PIK3C3: variants seen among roughly 807,000 people sequenced by gnomAD.
PIK3C3 encodes the protein PI3-kinase type 3.
Under a neutral mutation model 126.1 loss-of-function variants are expected in PIK3C3, and 95 were observed. That is an observed-to-expected ratio of 0.75 (90% confidence interval 0.64 to 0.89). The LOEUF is 0.89. PIK3C3 is among the 40% of genes least tolerant of loss of function. PIK3C3 has a pLI of 0.00. For synonymous variants in PIK3C3, 374 were observed against 360.0 expected, an observed-to-expected ratio of 1.04 and a Z score of -0.44; for missense variants, 829 against 1,063.2, an observed-to-expected ratio of 0.78 and a Z score of 3.06.
chr18:42,060,248 C>T (rs1247137765), intron 22 of PIK3C3, among the ~76,000 whole-genome samples: 1 of 152,074 alleles, frequency 6.6e-6, no homozygotes, highest in African/African-American at 2.4e-5. Context: ...GATAATTGAT[C>T]AGTTTCTTCA....
intron 11 of PIK3C3, among the ~76,000 whole-genome samples, chr18:42,014,434 C>CA (rs1476682630): frequency 6.6e-6 from 1 of 152,174 alleles, no homozygotes; most frequent in African/African-American, 2.4e-5. Context: ...CGTGTCCACA[C>CA]ACATTATCGT....
intron 20 of PIK3C3, 122 bp from the exon 21 acceptor site, chr18:42,049,409 A>G: frequency 1.8e-6 from 1 of 555,890 alleles, no homozygotes; most frequent in Non-Finnish European, 3.1e-6. Flanking sequence ...AATTCAGATG[A>G]GAAACCAGAG....
At chr18:41,999,658 A>G (rs544689644) in intron 9 of PIK3C3, among the ~76,000 whole-genome samples, 1 of 152,196 alleles carries the variant, frequency 6.6e-6, no homozygotes, top group Non-Finnish European at 1.5e-5. Context: ...GGGTAAGGAT[A>G]TTTACACATA....
chr18:42,080,432 T>G lies in PIK3C3; in HGVS notation c.2650-691T>G, dbSNP rs1389613786. ...CCTTCACTTTTTCTCTGAGTAATAA[T>G]GAAGTGAAGGTCTTAGAAACAGAAT... On this transcript the variant is annotated intron_variant, in intron 24 of 24. Coordinates refer to ENST00000262039, the MANE Select transcript of PIK3C3 (RefSeq NM_002647.4). Among the ~76,000 whole-genome samples the G allele has an allele frequency of 2.0e-5, 3 of 149,300 alleles. No individual in the cohort carries two copies. The East Asian group carries it at 6.0e-4, about 30-fold the overall frequency.
rs1206821548 is a variant in PIK3C3 at position 42,067,468 on chromosome 18, T to G, written c.2604T>G (p.His868Gln). 1 of 1,614,074 alleles carries G rather than the reference T, an allele frequency of 6.2e-7. No individual in the cohort carries two copies. The highest frequency in any genetic ancestry group is 8.5e-7 in the Non-Finnish European group (1 of 1,180,024). Reference sequence around the variant, plus strand: ...AGAGTCTGATTGATGAGAGTGTCCATGCTCTTTTTGCTGCAGTGGTGGAAC... The same window carrying G: ...AGAGTCTGATTGATGAGAGTGTCCAGGCTCTTTTTGCTGCAGTGGTGGAAC... Reference protein sequence around the residue: ...YMQSLIDESVHALFAAVVEQI... With the variant: ...YMQSLIDESVQALFAAVVEQI... Residue 868 changes from histidine (H) to glutamine (Q), a missense_variant, in exon 24 of 25, where the codon CAT (histidine) becomes CAG (glutamine). Transcript: ENST00000262039.
intron 3 of PIK3C3, among the ~76,000 whole-genome samples, chr18:41,964,760 GTTAA>G (rs1284570892): frequency 1.3e-5 from 2 of 151,950 alleles, no homozygotes; most frequent in Non-Finnish European, 2.9e-5. Flanking sequence ...AATTATATAT[GTTAA>G]TTAAAGAGAG....
intron 16 of PIK3C3, among the ~76,000 whole-genome samples, chr18:42,034,770 GA>G (rs1435011927): frequency 2.6e-5 from 4 of 152,314 alleles, no homozygotes; most frequent in African/African-American, 7.2e-5. Flanking sequence ...TCTAGTGGTA[GA>G]AAGGCATAGT....
intron 21 of PIK3C3, 60 bp from the exon 22 acceptor site, chr18:42,057,823 T>C: frequency 6.9e-7 from 1 of 1,442,868 alleles, no homozygotes; most frequent in Non-Finnish European, 9.7e-7. Flanking sequence ...GTGTGACATA[T>C]CACCTACCCA....
In PIK3C3 at chr18:42,085,560, A is replaced by G. The variant is rs1284975941; in HGVS notation, c.*4423A>G. On this transcript the variant is annotated 3_prime_UTR_variant, in exon 25 of 25. Coordinates refer to ENST00000262039, the MANE Select transcript of PIK3C3 (RefSeq NM_002647.4). ...AAATAGAACATAAGAAAATGAGTCTAGTGGACCCACTGCATAGTGTAACTT... is the reference window on the plus strand; with the variant it reads ...AAATAGAACATAAGAAAATGAGTCTGGTGGACCCACTGCATAGTGTAACTT... The G allele has an allele frequency of 3.9e-5, 6 of 152,228 alleles. No individual in the cohort carries two copies. The highest frequency in any genetic ancestry group is 8.8e-5 in the Non-Finnish European group (6 of 68,038). 9.4% of individuals were successfully genotyped at this position (152,228 alleles called of 1,614,324 possible).
intron 22 of PIK3C3, among the ~76,000 whole-genome samples, chr18:42,063,959 A>G (rs562299123): frequency 1.5e-4 from 23 of 152,288 alleles, no homozygotes; most frequent in Non-Finnish European, 3.1e-4. Context: ...AGGGGCCACT[A>G]AGAGCATAAC....
chr18:42,011,916 T>C (rs779845073), intron 10 of PIK3C3, among the ~76,000 whole-genome samples: 27 of 152,106 alleles, frequency 1.8e-4, no homozygotes, highest in Non-Finnish European at 2.9e-4. Flanking sequence ...AAACGGCTGG[T>C]TGTTGGATTA....
At chr18:41,985,592 G>A (rs902261772) in intron 4 of PIK3C3, among the ~76,000 whole-genome samples, 1 of 152,048 alleles carries the variant, frequency 6.6e-6, no homozygotes, top group African/African-American at 2.4e-5. Flanking sequence ...TTACTTAACA[G>A]TTCTCACTAT....
intron 24 of PIK3C3, among the ~76,000 whole-genome samples, chr18:42,076,136 ATATATATGCG>A (rs1985997470): frequency 1.1e-5 from 1 of 89,466 alleles, no homozygotes; most frequent in African/African-American, 6.5e-5. Context: ...ATATATATAT[ATATATATGCG>A]CATATATATA....
In PIK3C3 at chr18:42,013,453, G is replaced by A; in HGVS notation, c.1182G>A (p.Met394Ile). The part of the protein sequence containing the change: ...LRQADDEDLL[M>I]YLLQLVQALK... ...TTTTTGTTTTCCAGGATTTGTTGAT[G>A]TACCTATTACAATTGGTCCAGGCTC... Residue 394 changes from methionine (M) to isoleucine (I), a missense_variant, in exon 11 of 25, where the codon ATG becomes ATA. By Grantham distance (10) the Met-to-Ile change is conservative. Around this residue, in one of 4 missense-constraint regions of PIK3C3, gnomAD observed 256 missense variants for 291.0 expected, o/e 0.88. Transcript: ENST00000262039. The A allele has an allele frequency of 6.5e-7, 1 of 1,526,784 alleles. No individual in the cohort carries two copies. The highest frequency in any genetic ancestry group is 8.8e-7 in the Non-Finnish European group (1 of 1,142,118). The allele number at this position is 1,526,784 out of a possible 1,614,324, so 94.6% of individuals were successfully genotyped here. A position where few individuals can be genotyped will look rare whatever the true frequency, so the allele number is the denominator to read the frequency against.
At chr18:42,077,776 C>T (rs1008453523) in intron 24 of PIK3C3, among the ~76,000 whole-genome samples, 1 of 152,162 alleles carries the variant, frequency 6.6e-6, no homozygotes, top group Non-Finnish European at 1.5e-5. Flanking sequence ...CAAATGTTCT[C>T]AATGGCATCT....
At chr18:41,958,452 A>G (rs1979904338) in intron 2 of PIK3C3, among the ~76,000 whole-genome samples, 1 of 152,190 alleles carries the variant, frequency 6.6e-6, no homozygotes, top group Admixed American at 6.5e-5. Context: ...AGGAGTGTTC[A>G]TGGAAGACAG....
At chr18:42,027,336 A>AT (rs1431755629) in intron 13 of PIK3C3, 107 bp from the exon 14 acceptor site, 1 of 501,066 alleles carries the variant, frequency 2.0e-6, no homozygotes, top group African/African-American at 2.0e-5. Flanking sequence ...CAATTTTATT[A>AT]TTTTTGCATA....
At chr18:41,962,976 CAGAA>C (rs1402138412) in intron 3 of PIK3C3, among the ~76,000 whole-genome samples, 6 of 151,632 alleles carry the variant, frequency 4.0e-5, no homozygotes, top group African/African-American at 1.2e-4. Flanking sequence ...ATAATATTGA[CAGAA>C]AGGATGAAAA....
intron 14 of PIK3C3, among the ~76,000 whole-genome samples, chr18:42,028,732 A>G (rs1448814436): frequency 6.6e-6 from 1 of 152,206 alleles, no homozygotes; most frequent in Admixed American, 6.5e-5. Context: ...AATGAGGTTG[A>G]TAACATTTAC....
Sources: allele counts gnomAD v4.1 joint callset (sites outside exome capture counted in the v4.1 genomes callset), GRCh38; gene constraint gnomAD v4.1.1; regional missense constraint gnomAD v4.1.1; transcripts MANE v1.5; gene names NCBI Gene and HGNC (gene_info 2026-07-23, HGNC 2026-07-21).